RPS11: variants seen among roughly 807,000 people sequenced by gnomAD.
RPS11 encodes small ribosomal subunit protein uS17.
For synonymous variants in RPS11, 107 were observed against 78.0 expected (o/e 1.37, Z -1.96); for missense variants, 127 against 211.4 (o/e 0.60, Z 2.48).
Position 49,497,903 on chromosome 19 carries a change from G to A in RPS11, c.224-14G>A. The A allele has an allele frequency of 3.1e-6, 5 of 1,614,022 alleles. No individual in the cohort carries two copies. Among genetic ancestry groups the A allele is most frequent in the Non-Finnish European group, 4.2e-6 (5 of 1,179,998 alleles). ...TCCCATGGGACCTGACCTATGATCGGCCCCCGCTCCTAGGCGTGGTGACCA... is the reference window on the plus strand; with the variant it reads ...TCCCATGGGACCTGACCTATGATCGACCCCCGCTCCTAGGCGTGGTGACCA... On this transcript the variant is annotated splice_polypyrimidine_tract_variant and intron_variant, in intron 3 of 4. Transcript: ENST00000270625.
intron 1 of RPS11, among the ~76,000 whole-genome samples, chr19:49,496,817 T>C (rs2079908740): frequency 6.6e-6 from 1 of 152,026 alleles, no homozygotes; most frequent in Non-Finnish European, 1.5e-5. Context: ...GGTATTTAAT[T>C]CTGAATCCTT....
intron 1 of RPS11, among the ~76,000 whole-genome samples, 196 bp downstream of exon 1, chr19:49,496,667 G>A (rs1332533224): frequency 6.6e-6 from 1 of 152,138 alleles, no homozygotes; most frequent in African/African-American, 2.4e-5. Context: ...GGGGCTCCTG[G>A]CGTTAATGGA....
At position 49,497,283 on chromosome 19, in the gene RPS11, G is replaced by C. The variant is rs780089898; in HGVS notation, c.105G>C (p.Arg35=). 1 of 1,614,132 alleles carries C rather than the reference G, an allele frequency of 6.2e-7. No individual in the cohort carries two copies. The highest frequency in any genetic ancestry group is 2.2e-5 in the East Asian group (1 of 44,876). ...LGETGKEKLP[R]YYKNIGLGFK... ...AAACTGGCAAGGAGAAGCTCCCGCGGTACTACAAGAACATCGGTCTGGGCT... is the reference window on the plus strand; with the variant it reads ...AAACTGGCAAGGAGAAGCTCCCGCGCTACTACAAGAACATCGGTCTGGGCT... The change falls in exon 2 of 5, where the codon CGG becomes CGC. Residue 35 remains arginine (R), a synonymous_variant. Transcript: ENST00000270625.
Position 49,499,596 on chromosome 19 carries a change from C to T in RPS11, c.438C>T (p.Thr146=). The T allele has an allele frequency of 6.2e-7, 1 of 1,613,918 alleles. No homozygotes were observed. Among genetic ancestry groups the T allele is most frequent in the Non-Finnish European group, 8.5e-7 (1 of 1,179,914 alleles). ...KTVRFNVLKV[T]KAAGTKKQFQ... Reference sequence around the variant, plus strand: ...TGCGCTTCAACGTGCTCAAGGTCACCAAGGCTGCCGGCACCAAGAAGCAGT... The same window carrying T: ...TGCGCTTCAACGTGCTCAAGGTCACTAAGGCTGCCGGCACCAAGAAGCAGT... Residue 146 remains threonine, a synonymous_variant, in exon 5 of 5, where the codon ACC becomes ACT. Coordinates refer to ENST00000270625, the MANE Select transcript of RPS11 (RefSeq NM_001015.5).
At position 49,497,529 on chromosome 19, in the gene RPS11, G is replaced by A. The variant is rs748061997; in HGVS notation, c.157G>A (p.Gly53Ser). ...GFKTPKEAIE[G>S]TYIDKKCPFT... is the part of the protein sequence containing the mutation. ...TTTCCTATCCTTTCAGGCTATTGAGGGCACCTACATTGACAAGAAATGCCC... is the reference window on the plus strand; with the variant it reads ...TTTCCTATCCTTTCAGGCTATTGAGAGCACCTACATTGACAAGAAATGCCC... The change falls in exon 3 of 5, where the codon GGC becomes AGC. Residue 53 changes from glycine to serine, a missense_variant. Physicochemically the swap from Gly to Ser is moderately conservative, Grantham distance 56. Transcript: ENST00000270625. The A allele has an allele frequency of 5.6e-6, 9 of 1,613,768 alleles. No individual in the cohort carries two copies. Among genetic ancestry groups the A allele is most frequent in the Non-Finnish European group, 7.6e-6 (9 of 1,179,848 alleles).
At chr19:49,497,616 T>C (rs200290984) in intron 3 of RPS11, 21 bp downstream of exon 3, 1 of 1,605,156 alleles carries the variant, frequency 6.2e-7, no homozygotes, top group Non-Finnish European at 8.5e-7. Flanking sequence ...GAGTTACTGG[T>C]GTCTGGGGCC....
intron 2 of RPS11, 97 bp from the exon 3 acceptor site, chr19:49,497,423 G>A: frequency 6.3e-7 from 1 of 1,595,824 alleles, no homozygotes. Context: ...TTCTGGGGCT[G>A]CTGGGAATTG....
At chr19:49,497,706 G>A (rs1269985247) in intron 3 of RPS11, 111 bp downstream of exon 3, 2 of 1,185,320 alleles carry the variant, frequency 1.7e-6, no homozygotes, top group East Asian at 2.3e-5. Flanking sequence ...CAAACTTGTA[G>A]GTCCAGGTAC....
Position 49,499,630 on chromosome 19 carries a change from T to G in RPS11, c.472T>G (p.Phe158Val). ...CGGCACCAAGAAGCAGTTCCAGAAGTTCTGAGGCTGGACATCGGCCCGCTC... is the reference window on the plus strand; with the variant it reads ...CGGCACCAAGAAGCAGTTCCAGAAGGTCTGAGGCTGGACATCGGCCCGCTC... ...AAGTKKQFQK[F>V] Residue 158 changes from phenylalanine (F) to valine (V), a missense_variant, in exon 5 of 5, where the codon TTC (phenylalanine) becomes GTC (valine). Coordinates refer to ENST00000270625, the MANE Select transcript of RPS11 (RefSeq NM_001015.5). 3 of 1,613,150 alleles carry G rather than the reference T, an allele frequency of 1.9e-6. No individual in the cohort carries two copies. Among genetic ancestry groups the G allele is most frequent in the Non-Finnish European group, 2.5e-6 (3 of 1,179,532 alleles).
Position 49,498,007 on chromosome 19 carries a change from G to A in RPS11, c.314G>A (p.Arg105His), listed in dbSNP as rs768307247. ...CGCAAGTACAACCGCTTCGAGAAGC[G>A]CCACAAGAACATGTCTGTACACCTG... ...YIRKYNRFEK[R>H]HKNMSVHLSP... Residue 105 changes from arginine (R) to histidine (H), a missense_variant, in exon 4 of 5, where the codon CGC (arginine) becomes CAC (histidine). Arg to His is a conservative substitution (Grantham distance 29). Transcript: ENST00000270625. The A allele has an allele frequency of 4.3e-6, 7 of 1,613,426 alleles. No individual in the cohort carries two copies. Among genetic ancestry groups the A allele is most frequent in the Admixed American group, 3.3e-5 (2 of 60,004 alleles).
intron 3 of RPS11, 137 bp from the exon 4 acceptor site, chr19:49,497,780 G>C (rs1329259978): frequency 7.5e-7 from 1 of 1,326,058 alleles, no homozygotes; most frequent in Non-Finnish European, 1.1e-6. Flanking sequence ...TGCTGAGAAA[G>C]CCACTTGGTA....
chr19:49,497,793 A>G, intron 3 of RPS11, 124 bp from the exon 4 acceptor site: 1 of 1,420,446 alleles, frequency 7.0e-7, no homozygotes. Context: ...ACTTGGTAAA[A>G]CTGATGCCGG....
At chr19:49,499,081 C>T (rs2079921836) in intron 4 of RPS11, among the ~76,000 whole-genome samples, 1 of 152,220 alleles carries the variant, frequency 6.6e-6, no homozygotes, top group East Asian at 1.9e-4. Context: ...ATATTGGTGG[C>T]CCTCTGGGCG....
intron 1 of RPS11, 151 bp from the exon 2 acceptor site, chr19:49,497,043 G>A (rs2079909847): frequency 1.3e-6 from 1 of 769,708 alleles, no homozygotes. Flanking sequence ...ATGTCTTAGA[G>A]GGTGATTCTG....
At chr19:49,496,996 G>A (rs552444271) in intron 1 of RPS11, among the ~76,000 whole-genome samples, 198 bp from the exon 2 acceptor site, 5 of 152,202 alleles carry the variant, frequency 3.3e-5, no homozygotes, top group African/African-American at 9.6e-5. Context: ...CTCGGGCTTA[G>A]ATCTGAGTAT....
intron 2 of RPS11, 41 bp downstream of exon 2, chr19:49,497,366 C>G (rs200342078): frequency 3.1e-6 from 5 of 1,612,724 alleles, no homozygotes; most frequent in Admixed American, 1.7e-5. Flanking sequence ...ACCTGGCGTT[C>G]CTGCACGTGT....
chr19:49,497,383 G>A lies in RPS11; in HGVS notation c.147+58G>A. The A allele has an allele frequency of 3.7e-6, 6 of 1,610,778 alleles. No individual in the cohort carries two copies. In the South Asian group the frequency reaches 4.4e-5, roughly 12 times the overall value. On this transcript the variant is annotated intron_variant, in intron 2 of 4. Transcript: ENST00000270625. ...CTGGCGTTCCTGCACGTGTGCCCAC[G>A]ACGAGTTGCCCTGCCTGCATCTAAG...
At position 49,498,035 on chromosome 19, in the gene RPS11, C is replaced by T. The variant is rs766287211; in HGVS notation, c.342C>T (p.Ser114=). ...KRHKNMSVHL[S]PCFRDVQIGD... ...ACAAGAACATGTCTGTACACCTGTC[C>T]CCCTGCTTCAGGTGAGCGCAGTGGC... The change falls in exon 4 of 5, where the codon TCC becomes TCT. Residue 114 remains serine (S), a synonymous_variant. Coordinates refer to ENST00000270625, the MANE Select transcript of RPS11 (RefSeq NM_001015.5). The T allele has an allele frequency of 6.2e-6, 10 of 1,612,378 alleles. No homozygotes were observed. The Admixed American group carries it at 8.3e-5, about 13-fold the overall frequency.
chr19:49,496,789 C>G (rs867442164), intron 1 of RPS11, among the ~76,000 whole-genome samples: 10 of 152,006 alleles, frequency 6.6e-5, no homozygotes, highest in African/African-American at 2.4e-4. Flanking sequence ...AAGGGCTAAT[C>G]CAGGGAGCCT....
Sources: allele counts gnomAD v4.1 joint callset (sites outside exome capture counted in the v4.1 genomes callset), GRCh38; gene constraint gnomAD v4.1.1; transcripts MANE v1.5; gene names NCBI Gene and HGNC (gene_info 2026-07-23, HGNC 2026-07-21).